The following SGCD variants were observed in gnomAD, a reference collection of about 807,000 sequenced individuals.
SGCD encodes delta-sarcoglycan.
A neutral mutation model predicts 36.6 loss-of-function variants in SGCD; 18 were observed. That is an observed-to-expected ratio of 0.49 (90% CI 0.34 to 0.73). The LOEUF (loss-of-function observed/expected upper bound fraction) is 0.73, where lower values mean the gene tolerates loss of function less well. Among genes scored for constraint, SGCD ranks in the 30% least tolerant of loss-of-function variants. SGCD has a pLI of 0.01. For synonymous variants in SGCD, 133 were observed against 130.6 expected (o/e 1.02, Z -0.12); for missense variants, 387 against 346.7 (o/e 1.12, Z -0.92).
chr5:155,749,332 A>C, the SGCD span, among the ~76,000 whole-genome samples: 1 of 152,188 alleles, frequency 6.6e-6, no homozygotes. Context: ...ACTCCTTTGC[A>C]ATGGAAGAGG....
intron 3 of SGCD, among the ~76,000 whole-genome samples, chr5:156,263,063 G>A (rs1765907735): frequency 6.6e-6 from 1 of 152,056 alleles, no homozygotes; most frequent in Non-Finnish European, 1.5e-5. Context: ...AAACATGGGT[G>A]TGCAAGTACC....
chr5:156,080,847 T>C (rs1760931165), intron 1 of SGCD, among the ~76,000 whole-genome samples: 1 of 152,168 alleles, frequency 6.6e-6, no homozygotes, highest in African/African-American at 2.4e-5. Flanking sequence ...TTTCCCCATC[T>C]CCTATCTTCT....
chr5:156,079,781 A>C (rs535828853), intron 1 of SGCD, among the ~76,000 whole-genome samples: 6 of 152,334 alleles, frequency 3.9e-5, no homozygotes, highest in Non-Finnish European at 5.9e-5. Context: ...TAGCTTCCAC[A>C]GCTGCTCTCA....
the SGCD span, among the ~76,000 whole-genome samples, chr5:155,766,981 C>T: frequency 2.0e-5 from 3 of 152,108 alleles, no homozygotes; most frequent in South Asian, 6.2e-4. Context: ...TTCTCCAATC[C>T]CCAGACCAAA....
At chr5:156,336,364 T>C (rs1364026646) in intron 2 of SGCD, among the ~76,000 whole-genome samples, 1 of 152,228 alleles carries the variant, frequency 6.6e-6, no homozygotes, top group Non-Finnish European at 1.5e-5. Flanking sequence ...TGTTCCCTTC[T>C]GCTGCTTCTG....
At chr5:156,634,187 C>T (rs1762738473) in intron 6 of SGCD, among the ~76,000 whole-genome samples, 1 of 145,144 alleles carries the variant, frequency 6.9e-6, no homozygotes, top group Admixed American at 7.0e-5. Flanking sequence ...ATAGCTATTG[C>T]TTTAAGGCAG....
At chr5:156,405,372 T>C (rs747072833) in intron 3 of SGCD, among the ~76,000 whole-genome samples, 1 of 152,224 alleles carries the variant, frequency 6.6e-6, no homozygotes, top group African/African-American at 2.4e-5. Context: ...TTGTTTCCCT[T>C]CCATTTTGGA....
intron 7 of SGCD, among the ~76,000 whole-genome samples, chr5:156,717,889 C>A (rs1001555882): frequency 3.3e-5 from 5 of 152,100 alleles, no homozygotes; most frequent in African/African-American, 9.7e-5. Context: ...GACCAACCCC[C>A]AAGGCTTTCC....
intron 3 of SGCD, among the ~76,000 whole-genome samples, chr5:156,388,778 A>G (rs774423169): frequency 1.3e-5 from 2 of 152,236 alleles, no homozygotes; most frequent in Non-Finnish European, 2.9e-5. Flanking sequence ...ACTTTTAGCA[A>G]CTGAAGAGGA....
chr5:156,420,876 C>T (rs1038151455), intron 3 of SGCD, among the ~76,000 whole-genome samples: 1 of 152,070 alleles, frequency 6.6e-6, no homozygotes, highest in Admixed American at 6.6e-5. Context: ...GTTGGTGATC[C>T]ATGCTTCAAC....
intron 4 of SGCD, among the ~76,000 whole-genome samples, chr5:156,558,062 G>T (rs948167304): frequency 1.1e-4 from 15 of 135,976 alleles, no homozygotes; most frequent in Middle Eastern, 8.2e-3. Flanking sequence ...TGAATTAATA[G>T]ACTGAGTGTG....
chr5:156,271,070 G>A (rs1335989514), intron 3 of SGCD, among the ~76,000 whole-genome samples: 1 of 152,184 alleles, frequency 6.6e-6, no homozygotes, highest in Non-Finnish European at 1.5e-5. Flanking sequence ...TCTAATAGAG[G>A]CGTTTTGGAA....
At chr5:156,608,798 A>G (rs557103215) in intron 6 of SGCD, among the ~76,000 whole-genome samples, 84 of 152,166 alleles carry the variant, frequency 5.5e-4, no homozygotes, top group African/African-American at 1.9e-3. Context: ...CCATTATGTA[A>G]TGGCCTTCTT....
At chr5:155,984,500 C>T (rs886460360) in intron 1 of SGCD, among the ~76,000 whole-genome samples, 2 of 152,176 alleles carry the variant, frequency 1.3e-5, no homozygotes, top group Admixed American at 6.5e-5. Context: ...TAATTCCTTT[C>T]GTTCTGAAGC....
At chr5:155,996,703 T>C (rs1206981271) in intron 1 of SGCD, among the ~76,000 whole-genome samples, 1 of 148,654 alleles carries the variant, frequency 6.7e-6, no homozygotes, top group African/African-American at 2.5e-5. Context: ...CACTTGAACC[T>C]GGGAGGCAGA....
chr5:156,452,634 A>G (rs1222328165), intron 3 of SGCD, among the ~76,000 whole-genome samples: 4 of 152,210 alleles, frequency 2.6e-5, no homozygotes, highest in Non-Finnish European at 2.9e-5. Flanking sequence ...AATGAAAGCC[A>G]ACAGGGTCCT....
At chr5:156,727,584 A>G (rs983821434) in intron 7 of SGCD, among the ~76,000 whole-genome samples, 6 of 152,240 alleles carry the variant, frequency 3.9e-5, no homozygotes, top group African/African-American at 1.4e-4. Context: ...AAATAATGTT[A>G]GAATAGCAGT....
At chr5:156,244,479 TATAGGAA>T in intron 3 of SGCD, among the ~76,000 whole-genome samples, 1 of 152,228 alleles carries the variant, frequency 6.6e-6, no homozygotes, top group Admixed American at 6.5e-5. Context: ...CAGAATGTTC[TATAGGAA>T]ATACACATTA....
intron 1 of SGCD, among the ~76,000 whole-genome samples, chr5:156,115,054 A>C (rs1761878469): frequency 6.6e-6 from 1 of 152,146 alleles, no homozygotes; most frequent in East Asian, 1.9e-4. Context: ...AGCTTTAGCA[A>C]ATCTTAAGAT....
Sources: gnomAD v4.1 joint callset for allele counts (sites outside exome capture counted in the v4.1 genomes callset) on GRCh38, gnomAD v4.1.1 for gene constraint, MANE v1.5 for transcripts, NCBI Gene and HGNC (gene_info 2026-07-23, HGNC 2026-07-21) for gene names.